The following SPATA17 variants were observed in gnomAD, a reference collection of about 807,000 sequenced individuals.
SPATA17 encodes spermatogenesis-associated protein 17.
In SPATA17, 53 loss-of-function variants were observed where a neutral mutation model predicts 62.2. The ratio of observed to expected loss-of-function variants is 0.85; its 90% confidence interval spans 0.68 to 1.07. SPATA17 has a LOEUF of 1.07. SPATA17 is among the 50% of genes least tolerant of loss of function. The pLI is 0.00. For synonymous variants in SPATA17, 146 were observed against 146.8 expected, an observed-to-expected ratio of 0.99 and a Z score of 0.04; for missense variants, 466 against 425.5, an observed-to-expected ratio of 1.10 and a Z score of -0.84.
At chr1:217,790,376 AC>A (rs1673967709) in intron 8 of SPATA17, among the ~76,000 whole-genome samples, 1 of 152,114 alleles carries the variant, frequency 6.6e-6, no homozygotes, top group Admixed American at 6.5e-5. Context: ...GTGTCCACAG[AC>A]CCCTAAAAAA....
At chr1:217,798,993 C>T (rs974246884) in intron 8 of SPATA17, among the ~76,000 whole-genome samples, 30 of 150,042 alleles carry the variant, frequency 2.0e-4, no homozygotes, top group Middle Eastern at 3.2e-3. Context: ...AAAAGAATAT[C>T]GTTTTAAAGT....
chr1:217,666,006 C>T (rs1045049396), intron 3 of SPATA17, among the ~76,000 whole-genome samples: 1 of 152,052 alleles, frequency 6.6e-6, no homozygotes, highest in Non-Finnish European at 1.5e-5. Flanking sequence ...CTTTTCTGTT[C>T]TTTTCCCCTC....
intron 9 of SPATA17, among the ~76,000 whole-genome samples, chr1:217,837,000 A>G (rs1374897645): frequency 6.6e-6 from 1 of 152,150 alleles, no homozygotes; most frequent in Non-Finnish European, 1.5e-5. Context: ...AAGATTAAAA[A>G]GTAGAGATGT....
intron 6 of SPATA17, among the ~76,000 whole-genome samples, chr1:217,767,346 G>T (rs181468703): frequency 4.6e-5 from 7 of 152,048 alleles, no homozygotes; most frequent in African/African-American, 1.7e-4. Flanking sequence ...GGTTTTGTTC[G>T]TTTTAAAATT....
At chr1:217,704,082 T>TTTATC (rs10649058) in intron 5 of SPATA17, among the ~76,000 whole-genome samples, 36,194 of 151,456 alleles carry the variant, frequency 0.24, 4,637 homozygotes, top group African/African-American at 0.32. Flanking sequence ...TTAAAACTCT[T>TTTATC]TTAGGTTCAG....
intron 5 of SPATA17, among the ~76,000 whole-genome samples, chr1:217,710,443 C>T (rs574327624): frequency 3.9e-4 from 60 of 152,012 alleles, no homozygotes; most frequent in South Asian, 1.5e-3. Flanking sequence ...GTAATATATT[C>T]CCCCAAGTTT....
chr1:217,639,971 C>A (rs1670022321), intron 1 of SPATA17, among the ~76,000 whole-genome samples: 1 of 151,928 alleles, frequency 6.6e-6, no homozygotes, highest in Admixed American at 6.6e-5. Context: ...CTTTTATAGT[C>A]AAATTAGTAA....
chr1:217,736,104 C>T (rs1348963570), intron 5 of SPATA17, among the ~76,000 whole-genome samples: 1 of 151,716 alleles, frequency 6.6e-6, no homozygotes, highest in African/African-American at 2.4e-5. Flanking sequence ...AATCAAGAAA[C>T]AGTTTAAAAA....
intron 3 of SPATA17, among the ~76,000 whole-genome samples, chr1:217,657,389 A>G (rs1670468128): frequency 6.6e-6 from 1 of 152,146 alleles, no homozygotes; most frequent in South Asian, 2.1e-4. Context: ...TTCCACCAAC[A>G]TATTGCCTCG....
intron 8 of SPATA17, among the ~76,000 whole-genome samples, chr1:217,783,585 A>G (rs1333863934): frequency 6.6e-6 from 1 of 152,124 alleles, no homozygotes; most frequent in Non-Finnish European, 1.5e-5. Flanking sequence ...TTAGCCAAGC[A>G]AAATATAAAA....
intron 5 of SPATA17, among the ~76,000 whole-genome samples, chr1:217,715,559 G>A (rs372282748): frequency 1.3e-4 from 19 of 151,980 alleles, no homozygotes; most frequent in African/African-American, 3.9e-4. Context: ...AAAATCTCCA[G>A]TGCTTTCAAG....
chr1:217,728,567 A>G (rs1180662833), intron 5 of SPATA17, among the ~76,000 whole-genome samples: 1 of 151,990 alleles, frequency 6.6e-6, no homozygotes, highest in African/African-American at 2.4e-5. Context: ...TTGCTTTTTG[A>G]AATGTATTTC....
intron 9 of SPATA17, among the ~76,000 whole-genome samples, chr1:217,827,749 G>T (rs541945835): frequency 6.6e-6 from 1 of 152,224 alleles, no homozygotes; most frequent in Admixed American, 6.5e-5. Context: ...GGATGAAGCT[G>T]GAAGCCATTA....
chr1:217,732,914 TA>T (rs1370033197), intron 5 of SPATA17, among the ~76,000 whole-genome samples: 1 of 152,086 alleles, frequency 6.6e-6, no homozygotes, highest in East Asian at 1.9e-4. Context: ...CTCTAGATGA[TA>T]AAAAGAAAAT....
At chr1:217,850,511 C>CT (rs1675625920) in intron 9 of SPATA17, 1 of 1,553,224 alleles carries the variant, frequency 6.4e-7, no homozygotes, top group Non-Finnish European at 8.9e-7. Context: ...AGATGAGCCT[C>CT]TGCTGGTCGG....
chr1:217,782,324 T>C lies in SPATA17; in HGVS notation c.872+2T>C. On this transcript the variant is annotated splice_donor_variant, in intron 8 of 10. Transcript: ENST00000366933. LOFTEE classifies it high-confidence loss of function. ...GCTGCAAAATGTAAATGACAATATG[T>C]GAGTTCTTAGCTTAACAAAAATAGC... 1 of 1,602,472 alleles carries C rather than the reference T, an allele frequency of 6.2e-7. No homozygotes were observed.
chr1:217,678,073 T>G (rs115790446), intron 4 of SPATA17, among the ~76,000 whole-genome samples: 7,665 of 152,174 alleles, frequency 0.05, 251 homozygotes, highest in Middle Eastern at 0.12. Flanking sequence ...AGAATGTTGA[T>G]CATTCTAATA....
chr1:217,852,020 T>C (rs1213087915), intron 9 of SPATA17, among the ~76,000 whole-genome samples: 1 of 151,938 alleles, frequency 6.6e-6, no homozygotes, highest in Non-Finnish European at 1.5e-5. Context: ...AACCAAGAAA[T>C]AATAATAAAT....
chr1:217,664,474 T>C lies in SPATA17; in HGVS notation c.241-4559T>C, dbSNP rs190152580. Among the ~76,000 whole-genome samples the C allele has an allele frequency of 1.3e-4, 19 of 151,966 alleles. 1 individual carries two copies. The highest frequency in any genetic ancestry group is 9.2e-4 in the Admixed American group (14 of 15,244). ...CTGGCTAATTTGTTTTTTGTATTTT[T>C]AGTAGAGACGGGGTTTCACCGTGTT... On this transcript the variant is annotated intron_variant, in intron 3 of 10. Coordinates refer to ENST00000366933, the MANE Select transcript of SPATA17 (RefSeq NM_138796.4).
Sources: allele counts gnomAD v4.1 joint callset (sites outside exome capture counted in the v4.1 genomes callset), GRCh38; gene constraint gnomAD v4.1.1; transcripts MANE v1.5; gene names NCBI Gene and HGNC (gene_info 2026-07-23, HGNC 2026-07-21).